Variants in MKX observed in about 807,000 individuals in gnomAD.
MKX encodes homeobox protein Mohawk.
A neutral mutation model predicts 36.0 loss-of-function variants in MKX; 13 were observed. The observed-to-expected ratio is 0.36, with a 90% CI of 0.24 to 0.57. The LOEUF (loss-of-function observed/expected upper bound fraction) is 0.57. Ranked by LOEUF, MKX falls within the 20% of genes least tolerant of loss-of-function variation. The pLI is 0.79. For missense variants in MKX, 458 were observed against 456.4 expected (o/e 1.00, Z -0.03); for synonymous variants, 176 against 178.3 (o/e 0.99, Z 0.10).
At chr10:27,731,986 T>C (rs1834639682) in intron 5 of MKX, among the ~76,000 whole-genome samples, 1 of 48,290 alleles carries the variant, frequency 2.1e-5, no homozygotes, top group Non-Finnish European at 8.6e-5. Context: ...ATTAATGTAT[T>C]TGTCATTTTT....
intron 5 of MKX, among the ~76,000 whole-genome samples, chr10:27,698,234 G>A (rs1836589131): frequency 6.6e-6 from 1 of 152,184 alleles, no homozygotes; most frequent in African/African-American, 2.4e-5. Flanking sequence ...AGGGGTTTGT[G>A]GTTCTGTGTG....
At chr10:27,705,051 G>A (rs1231646224) in intron 5 of MKX, among the ~76,000 whole-genome samples, 2 of 152,056 alleles carry the variant, frequency 1.3e-5, no homozygotes, top group Admixed American at 6.6e-5. Flanking sequence ...CAGGAAAATG[G>A]AATTATGAAT....
intron 5 of MKX, among the ~76,000 whole-genome samples, chr10:27,723,183 G>GA (rs975813527): frequency 3.9e-5 from 6 of 151,960 alleles, no homozygotes; most frequent in African/African-American, 7.3e-5. Flanking sequence ...TTTTCTGAAA[G>GA]AAAAAAGTAC....
chr10:27,735,492 A>T, intron 3 of MKX, 118 bp from the exon 4 acceptor site: 1 of 707,422 alleles, frequency 1.4e-6, no homozygotes, highest in African/African-American at 1.8e-5. Flanking sequence ...TATTCTCAGG[A>T]CATAAGAATA....
In MKX at chr10:27,743,493, G is replaced by C. The variant is rs1391174987; in HGVS notation, c.-78C>G. The C allele has an allele frequency of 2.2e-6, 3 of 1,386,154 alleles. No homozygotes were observed. The highest frequency in any genetic ancestry group is 2.9e-6 in the Non-Finnish European group (3 of 1,047,138). 85.9% of individuals were successfully genotyped at this position (1,386,154 alleles called of 1,614,324 possible). A position where few individuals can be genotyped will look rare whatever the true frequency, so the allele number is the denominator to read the frequency against. On this transcript the variant is annotated 5_prime_UTR_variant, in exon 2 of 7. Transcript: ENST00000419761. ...CGCCGGGAGCTCCGCAGCGGGGCTCGGCTTCTAGGAGAGGAAGGTGCATCT... is the reference window on the plus strand; with the variant it reads ...CGCCGGGAGCTCCGCAGCGGGGCTCCGCTTCTAGGAGAGGAAGGTGCATCT...
rs1835002502 is a variant in MKX at position 27,744,515 on chromosome 10, G to A, written c.-82-1018C>T. Among the ~76,000 whole-genome samples, 1 of 152,104 alleles carries A rather than the reference G, an allele frequency of 6.6e-6. No homozygotes were observed. The highest frequency in any genetic ancestry group is 6.5e-5 in the Admixed American group (1 of 15,282). On this transcript the variant is annotated intron_variant, in intron 1 of 6. Transcript: ENST00000419761. This position sits in a 1 kb window ranked among gnomAD's most constrained non-coding sequence, Gnocchi z 5.6. ...TGCCTGCCGCGCACCGGCGTCAGGA[G>A]CAAGTCCGCGCGGCCGCGGAGCCGC...
At chr10:27,710,772 C>A (rs1229445526) in intron 5 of MKX, among the ~76,000 whole-genome samples, 1 of 152,192 alleles carries the variant, frequency 6.6e-6, no homozygotes, top group Non-Finnish European at 1.5e-5. Flanking sequence ...GATTCTTGTG[C>A]CTCAGCCTCC....
At chr10:27,716,897 A>G (rs1836975722) in intron 5 of MKX, among the ~76,000 whole-genome samples, 1 of 152,196 alleles carries the variant, frequency 6.6e-6, no homozygotes, top group East Asian at 1.9e-4. Flanking sequence ...AAGATGATCA[A>G]TCAGTTGACC....
rs552420598 is a variant in MKX, at chr10:27,676,538, C to T, written c.839-984G>A. Among the ~76,000 whole-genome samples the T allele has an allele frequency of 1.6e-4, 24 of 151,868 alleles. 1 individual carries two copies. The South Asian group carries it at 3.8e-3, about 24-fold the overall frequency. ...GATTACAGGCACCCGCCACCAAGCCCGGCTAATTTTTGTATTTTTAGTAGA... is the reference window on the plus strand; with the variant it reads ...GATTACAGGCACCCGCCACCAAGCCTGGCTAATTTTTGTATTTTTAGTAGA... On this transcript the variant is annotated intron_variant, in intron 5 of 6. Transcript: ENST00000419761.
chr10:27,684,106 G>A (rs769137906), intron 5 of MKX, among the ~76,000 whole-genome samples: 3 of 152,122 alleles, frequency 2.0e-5, no homozygotes, highest in Non-Finnish European at 4.4e-5. Context: ...TTGAGCCCAC[G>A]AGTTTGAGAC....
At chr10:27,684,552 T>A (rs2132498127) in intron 5 of MKX, among the ~76,000 whole-genome samples, 1 of 152,344 alleles carries the variant, frequency 6.6e-6, no homozygotes, top group South Asian at 2.1e-4. Flanking sequence ...ACATGTGTTA[T>A]AACCTGCATT....
intron 5 of MKX, among the ~76,000 whole-genome samples, chr10:27,682,679 C>G (rs1836275555): frequency 6.6e-6 from 1 of 152,094 alleles, no homozygotes. Flanking sequence ...TAGTTAGATT[C>G]TCAAAAGAAG....
At chr10:27,692,838 G>A (rs758651704) in intron 5 of MKX, among the ~76,000 whole-genome samples, 3 of 152,184 alleles carry the variant, frequency 2.0e-5, no homozygotes, top group Non-Finnish European at 2.9e-5. Context: ...GTTATTTTTA[G>A]TCTGTTATTT....
intron 5 of MKX, among the ~76,000 whole-genome samples, chr10:27,730,567 C>G (rs985737903): frequency 6.6e-6 from 1 of 151,358 alleles, no homozygotes; most frequent in African/African-American, 2.4e-5. Flanking sequence ...AAGCGATTCT[C>G]GTACCTCAGC....
chr10:27,708,764 G>A (rs1022265913), intron 5 of MKX, among the ~76,000 whole-genome samples: 6 of 150,134 alleles, frequency 4.0e-5, no homozygotes, highest in African/African-American at 9.8e-5. Context: ...ATAATATGTC[G>A]AGTACCAGGG....
Position 27,734,678 on chromosome 10 carries a change from A to G in MKX, c.616T>C (p.Ser206Pro). ...GCCACGTAGTCCTCACTGGCCCGTG[A>G]CTCTGGCCTCACTCCCGCTTTGATG... ...SVIKAGVRPE[S>P]RASEDYVAPP... is the part of the protein sequence containing the mutation. Residue 206 changes from serine to proline, a missense_variant, in exon 5 of 7, where the codon TCA becomes CCA. Ser to Pro is a moderately conservative substitution (Grantham distance 74). This residue lies in a region of MKX where 297 missense variants were observed against 304.4 expected (regional missense o/e 0.98). Coordinates refer to ENST00000419761, the MANE Select transcript of MKX (RefSeq NM_173576.3). 1 of 1,613,944 alleles carries G rather than the reference A, an allele frequency of 6.2e-7. No individual in the cohort carries two copies. The highest frequency in any genetic ancestry group is 8.5e-7 in the Non-Finnish European group (1 of 1,179,992).
At chr10:27,683,616 C>T (rs1029187390) in intron 5 of MKX, among the ~76,000 whole-genome samples, 2 of 152,258 alleles carry the variant, frequency 1.3e-5, no homozygotes, top group African/African-American at 4.8e-5. Context: ...TGCTTGAAAA[C>T]TGTGCTTCTG....
Position 27,734,489 on chromosome 10 carries a change from A to G in MKX, c.805T>C (p.Ser269Pro), listed in dbSNP as rs953815283. 9.3e-6 allele frequency: 15 copies of G among 1,614,090 alleles called. No individual in the cohort carries two copies. Among genetic ancestry groups the G allele is most frequent in the Non-Finnish European group, 1.3e-5 (15 of 1,180,042 alleles). Residue 269 changes from serine to proline, a missense_variant, in exon 5 of 7, where the codon TCA becomes CCA. This residue lies in a region of MKX where 297 missense variants were observed against 304.4 expected (regional missense o/e 0.98). Transcript: ENST00000419761. The part of the protein sequence containing the change: ...FEEELVSPSS[S>P]ETEGNFVYRT... The stretch of plus-strand genomic sequence containing the variant: ...TAGACAAAGTTGCCTTCAGTTTCTG[A>G]TGACGATGGAGACACTAATTCTTCC...
chr10:27,732,543 CTTGT>C (rs1373625558), intron 5 of MKX, among the ~76,000 whole-genome samples: 1 of 151,852 alleles, frequency 6.6e-6, no homozygotes, highest in African/African-American at 2.4e-5. Context: ...TCGATTTTTG[CTTGT>C]TTAATTTATT....
Sources: gnomAD v4.1 joint callset for allele counts (sites outside exome capture counted in the v4.1 genomes callset) on GRCh38, gnomAD v4.1.1 for gene constraint, gnomAD v4.1.1 regional missense constraint, Gnocchi (gnomAD v3.1) non-coding constraint, MANE v1.5 for transcripts, NCBI Gene and HGNC (gene_info 2026-07-23, HGNC 2026-07-21) for gene names.